FAM117A: variants seen among roughly 807,000 people sequenced by gnomAD.
FAM117A encodes the protein family with sequence similarity 117 member A.
In FAM117A, 21 loss-of-function variants were observed where a neutral mutation model predicts 44.1. That is an observed-to-expected ratio of 0.48 (90% CI 0.34 to 0.69). The LOEUF is 0.69. Ranked by LOEUF, FAM117A falls within the 30% of genes least tolerant of loss-of-function variation. The pLI, the probability that FAM117A is intolerant of heterozygous loss-of-function variation, is 0.01. For missense variants in FAM117A, 498 were observed against 589.9 expected (o/e 0.84, Z 1.61); for synonymous variants, 220 against 238.3 (o/e 0.92, Z 0.71).
chr17:49,740,921 C>T (rs1056370297), intron 1 of FAM117A, among the ~76,000 whole-genome samples: 1 of 152,112 alleles, frequency 6.6e-6, no homozygotes, highest in African/African-American at 2.4e-5. Context: ...CTCTTCTCAG[C>T]GTGACCAGAG....
intron 1 of FAM117A, among the ~76,000 whole-genome samples, chr17:49,771,581 A>G (rs1445548589): frequency 6.6e-6 from 1 of 152,196 alleles, no homozygotes. Flanking sequence ...TAGCACTGTA[A>G]CCGGCATGCA....
chr17:49,787,626 T>G (rs1215971407), intron 1 of FAM117A, among the ~76,000 whole-genome samples: 2 of 152,234 alleles, frequency 1.3e-5, no homozygotes, highest in African/African-American at 4.8e-5. Context: ...TGAGCGTGCC[T>G]GGGTTCCACC....
intron 1 of FAM117A, among the ~76,000 whole-genome samples, chr17:49,775,014 G>A (rs2073771893): frequency 6.6e-6 from 1 of 151,884 alleles, no homozygotes; most frequent in Non-Finnish European, 1.5e-5. Context: ...CCCACCCTCT[G>A]GCCCCCCTCT....
chr17:49,715,731 T>G (rs2073499356), intron 7 of FAM117A, among the ~76,000 whole-genome samples: 1 of 152,060 alleles, frequency 6.6e-6, no homozygotes, highest in Non-Finnish European at 1.5e-5. Context: ...GGCCCCCCAT[T>G]CTACTCCAGT....
At chr17:49,719,715 T>C in intron 5 of FAM117A, 45 bp downstream of exon 5, 1 of 1,494,298 alleles carries the variant, frequency 6.7e-7, no homozygotes, top group Non-Finnish European at 8.9e-7. Flanking sequence ...CCAGGCCAAG[T>C]GAGGCACGGA....
chr17:49,764,355 T>C (rs2073737572), upstream of FAM117A, among the ~76,000 whole-genome samples: 1 of 152,134 alleles, frequency 6.6e-6, no homozygotes, highest in East Asian at 1.9e-4. Flanking sequence ...TCCCAGGGGC[T>C]GCTGATTGGC....
chr17:49,770,812 G>A (rs1349265738), intron 1 of FAM117A, among the ~76,000 whole-genome samples: 2 of 152,170 alleles, frequency 1.3e-5, no homozygotes, highest in Admixed American at 1.3e-4. Flanking sequence ...GCTGCGGCTG[G>A]CAGATCTGTT....
chr17:49,744,446 G>A (rs1202593403), intron 1 of FAM117A, among the ~76,000 whole-genome samples: 3 of 150,806 alleles, frequency 2.0e-5, no homozygotes, highest in Non-Finnish European at 4.4e-5. Context: ...CAGCCTCCCG[G>A]GTAGCTGGGA....
chr17:49,731,462 C>T (rs774977982), intron 2 of FAM117A, among the ~76,000 whole-genome samples: 53 of 147,764 alleles, frequency 3.6e-4, no homozygotes, highest in Non-Finnish European at 3.4e-4. Context: ...GAGATACGTT[C>T]GTGCTAGCTT....
intron 7 of FAM117A, 86 bp from the exon 8 acceptor site, chr17:49,711,641 A>G (rs2073479071): frequency 7.6e-7 from 1 of 1,319,932 alleles, no homozygotes; most frequent in Non-Finnish European, 1.1e-6. Flanking sequence ...TCACAGCATC[A>G]AGGCAGCAGG....
intron 2 of FAM117A, among the ~76,000 whole-genome samples, chr17:49,723,144 T>C (rs868093736): frequency 7.9e-5 from 12 of 152,154 alleles, no homozygotes; most frequent in South Asian, 2.1e-4. Context: ...GTGCTTCATT[T>C]TTCCCTGCAC....
chr17:49,736,789 A>G (rs1283392198), intron 1 of FAM117A, among the ~76,000 whole-genome samples: 2 of 152,162 alleles, frequency 1.3e-5, no homozygotes, highest in African/African-American at 4.8e-5. Flanking sequence ...ATCCACTGGA[A>G]TCCCCTGGAA....
intron 1 of FAM117A, among the ~76,000 whole-genome samples, chr17:49,762,894 A>G (rs891223364): frequency 6.6e-6 from 1 of 152,272 alleles, no homozygotes; most frequent in African/African-American, 2.4e-5. Context: ...AAGCAAGGTT[A>G]AGTTTGCTTC....
At chr17:49,727,439 CA>C (rs1275976619) in intron 2 of FAM117A, among the ~76,000 whole-genome samples, 1 of 152,094 alleles carries the variant, frequency 6.6e-6, no homozygotes, top group Non-Finnish European at 1.5e-5. Flanking sequence ...AGTTGTTTGT[CA>C]GGGGGAGTCA....
chr17:49,781,594 T>C lies in FAM117A; in HGVS notation c.-621+6903A>G, dbSNP rs549444608. On this transcript the variant is annotated intron_variant, in intron 1 of 7. Transcript: ENST00000513602. ...AGGAGAATGAGAGCACATTACATCA[T>C]AGCACCACAGTGCAATGTCACACAG... Among the ~76,000 whole-genome samples the C allele has an allele frequency of 2.0e-5, 3 of 152,358 alleles. No homozygotes were observed. The South Asian group carries it at 6.2e-4, about 32-fold the overall frequency.
At chr17:49,716,919 C>G (rs2073506994) in intron 6 of FAM117A, among the ~76,000 whole-genome samples, 1 of 152,166 alleles carries the variant, frequency 6.6e-6, no homozygotes, top group South Asian at 2.1e-4. Context: ...ATGCCCTTGA[C>G]CAGCCTACCT....
At chr17:49,752,155 G>C (rs1047497118) in intron 1 of FAM117A, among the ~76,000 whole-genome samples, 1 of 152,076 alleles carries the variant, frequency 6.6e-6, no homozygotes, top group Non-Finnish European at 1.5e-5. Flanking sequence ...ATCTACTTGG[G>C]AGGGTTAGAT....
chr17:49,748,535 A>C (rs186157374), intron 1 of FAM117A, among the ~76,000 whole-genome samples: 1 of 152,314 alleles, frequency 6.6e-6, no homozygotes, highest in Admixed American at 6.5e-5. Context: ...TCACTGCCTA[A>C]GGACAAAAAA....
chr17:49,758,621 C>CAA lies in FAM117A; in HGVS notation c.196+5269_196+5270dup, dbSNP rs1182238605. Among the ~76,000 whole-genome samples the CAA allele has an allele frequency of 1.7e-4, 16 of 93,854 alleles. No individual in the cohort carries two copies. The East Asian group carries it at 2.1e-3, about 13-fold the overall frequency. The allele number at this position is 93,854 out of a possible 152,430, so 61.6% of individuals were successfully genotyped here. ...CCTGGGTGACAAAGCGAGACTGTCT[C>CAA]AAAAAAAAAAAAAAATAAAATAAAT... On this transcript the variant is annotated intron_variant, in intron 1 of 7. Transcript: ENST00000240364.
Sources: allele counts gnomAD v4.1 joint callset (sites outside exome capture counted in the v4.1 genomes callset), GRCh38; gene constraint gnomAD v4.1.1; transcripts MANE v1.5; gene names NCBI Gene and HGNC (gene_info 2026-07-23, HGNC 2026-07-21).